DMXL2: variants seen among roughly 807,000 people sequenced by gnomAD.
DMXL2 encodes the protein Dmx like 2, also known as dmX-like protein 2.
DMXL2 carries 103 observed loss-of-function variants against 331.1 expected under a neutral mutation model. The ratio of observed to expected loss-of-function variants is 0.31; its 90% CI spans 0.27 to 0.37. The LOEUF (loss-of-function observed/expected upper bound fraction) is 0.37, where lower values mean the gene tolerates loss of function less well. Ranked by LOEUF, DMXL2 falls within the 10% of genes least tolerant of loss-of-function variation. The pLI, the probability that DMXL2 is intolerant of heterozygous loss-of-function variation, is 1.00. For missense variants in DMXL2, 3,171 were observed against 3,642.9 expected (o/e 0.87, Z 3.33); for synonymous variants, 1,281 against 1,252.1 (o/e 1.02, Z -0.49).
intron 13 of DMXL2, among the ~76,000 whole-genome samples, chr15:51,530,926 AAGAACTG>A (rs1243436320): frequency 3.3e-5 from 5 of 152,200 alleles, no homozygotes; most frequent in Admixed American, 3.3e-4. Context: ...CATGGATTGG[AAGAACTG>A]ATATTGTTAA....
chr15:51,515,707 G>T (rs2046997680), intron 14 of DMXL2, among the ~76,000 whole-genome samples: 1 of 152,144 alleles, frequency 6.6e-6, no homozygotes, highest in Non-Finnish European at 1.5e-5. Context: ...GGCACAAGGA[G>T]CAGGGGAAAA....
chr15:51,476,762 TA>T, intron 26 of DMXL2, 43 bp from the exon 27 acceptor site: 1 of 1,523,100 alleles, frequency 6.6e-7, no homozygotes, highest in Non-Finnish European at 8.8e-7. Flanking sequence ...TGAGAGGTAA[TA>T]AAAAATTGCA....
At position 51,538,314 on chromosome 15, in the gene DMXL2, G is replaced by A; in HGVS notation, c.1244C>T (p.Ser415Phe). 1 of 1,613,762 alleles carries A rather than the reference G, an allele frequency of 6.2e-7. No individual in the cohort carries two copies. ...ATTTTCATGATCTACCTGCTTATCA[G>A]AAAGTTTTCGTAATTGATGCATAAA... is the stretch of plus-strand genomic sequence containing the variant. ...EVFMHQLRKL[S>F]DKQVDHENDD... Residue 415 changes from serine to phenylalanine, a missense_variant, in exon 10 of 44, where the codon TCT (serine) becomes TTT (phenylalanine). Physicochemically the swap from Ser to Phe is radical, Grantham distance 155 (BLOSUM62 -2). Coordinates refer to ENST00000560891, the MANE Select transcript of DMXL2 (RefSeq NM_001378457.1).
intron 4 of DMXL2, 81 bp from the exon 5 acceptor site, chr15:51,564,341 T>C (rs924379548): frequency 1.8e-6 from 2 of 1,098,060 alleles, no homozygotes; most frequent in Non-Finnish European, 2.5e-6. Flanking sequence ...TTTAGATCTG[T>C]AAACTATTAA....
intron 9 of DMXL2, 31 bp from the exon 10 acceptor site, chr15:51,538,483 T>A (rs996380573): frequency 3.3e-6 from 5 of 1,510,754 alleles, no homozygotes; most frequent in South Asian, 1.3e-5. Flanking sequence ...TCAATATAAT[T>A]TTTTTTATTT....
In DMXL2 at chr15:51,450,116, T is replaced by C. The variant is rs1343165951; in HGVS notation, c.8967+13A>G. The C allele has an allele frequency of 4.3e-6, 7 of 1,612,186 alleles. No individual in the cohort carries two copies. Among genetic ancestry groups the C allele is most frequent in the East Asian group, 2.2e-5 (1 of 44,882 alleles). On this transcript the variant is annotated intron_variant, in intron 43 of 43. Transcript: ENST00000560891. ...CAGTCTTTAGCACATTCCAACCTCTTGTACTGACTCACCTTTATGTTACCT... is the reference window on the plus strand; with the variant it reads ...CAGTCTTTAGCACATTCCAACCTCTCGTACTGACTCACCTTTATGTTACCT...
rs558994440 is a variant in DMXL2 at position 51,591,194 on chromosome 15, G to A, written c.88-15013C>T. Among the ~76,000 whole-genome samples, 34 of 152,346 alleles carry A rather than the reference G, an allele frequency of 2.2e-4. No individual in the cohort carries two copies. The South Asian group carries it at 2.7e-3, about 12-fold the overall frequency. On this transcript the variant is annotated intron_variant, in intron 1 of 43. Coordinates refer to ENST00000560891, the MANE Select transcript of DMXL2 (RefSeq NM_001378457.1). Reference sequence around the variant, plus strand: ...ATTCCCTTTCCTAGTCAAAGAAAGCGGTGACAGACGGCACCTGGAAAATCG... The same window carrying A: ...ATTCCCTTTCCTAGTCAAAGAAAGCAGTGACAGACGGCACCTGGAAAATCG...
At chr15:51,547,852 T>A (rs1021750435) in intron 6 of DMXL2, among the ~76,000 whole-genome samples, 1 of 152,164 alleles carries the variant, frequency 6.6e-6, no homozygotes, top group Non-Finnish European at 1.5e-5. Flanking sequence ...TTGCTCTATA[T>A]CAAGAGTCAG....
At chr15:51,452,775 A>G (rs930003718) in intron 41 of DMXL2, among the ~76,000 whole-genome samples, 1 of 152,220 alleles carries the variant, frequency 6.6e-6, no homozygotes, top group African/African-American at 2.4e-5. Context: ...TCATTATATG[A>G]AAAAGACACT....
intron 23 of DMXL2, among the ~76,000 whole-genome samples, chr15:51,483,182 C>T (rs761969355): frequency 2.6e-5 from 4 of 152,170 alleles, no homozygotes; most frequent in African/African-American, 7.2e-5. Flanking sequence ...CAGAAGTTCA[C>T]GCAACGGCAC....
intron 13 of DMXL2, among the ~76,000 whole-genome samples, chr15:51,529,936 G>T (rs2047905665): frequency 6.6e-6 from 1 of 152,062 alleles, no homozygotes; most frequent in Non-Finnish European, 1.5e-5. Context: ...CACAAGGATG[G>T]TTCAACACAT....
intron 7 of DMXL2, among the ~76,000 whole-genome samples, chr15:51,546,761 C>T (rs1296052854): frequency 6.6e-6 from 1 of 152,078 alleles, no homozygotes; most frequent in Non-Finnish European, 1.5e-5. Context: ...AAAAACACAA[C>T]CTGGCCACTT....
Position 51,622,630 on chromosome 15 carries a change from C to A in DMXL2, c.-85G>T. ...TCCTCGGGCTGCGAGAGCCGTTTCC[C>A]TCTGTGCCTCCCTCGGAAACCCGCC... is the stretch of plus-strand genomic sequence containing the variant. On this transcript the variant is annotated 5_prime_UTR_variant, in exon 1 of 44. The change creates a new upstream start codon in the 5' untranslated region. Transcript: ENST00000560891. 6.8e-7 allele frequency: 1 copy of A among 1,468,202 alleles called. No individual in the cohort carries two copies. The highest frequency in any genetic ancestry group is 1.4e-5 in the South Asian group (1 of 73,860). The allele number at this position is 1,468,202 out of a possible 1,614,324, so 90.9% of individuals were successfully genotyped here. A position where few individuals can be genotyped will look rare whatever the true frequency, so the allele number is the denominator to read the frequency against.
chr15:51,477,128 A>C (rs1041863976), intron 26 of DMXL2, among the ~76,000 whole-genome samples: 1 of 152,076 alleles, frequency 6.6e-6, no homozygotes, highest in Non-Finnish European at 1.5e-5. Flanking sequence ...AAAGTTGTGC[A>C]AGTTTAACCC....
Position 51,528,237 on chromosome 15 carries a change from A to G in DMXL2, c.2436+7426T>C, listed in dbSNP as rs73399588. On this transcript the variant is annotated intron_variant, in intron 13 of 43. Transcript: ENST00000560891. ...GGCAGGAGTAAGTCCTTACTTACTA[A>G]TTACTTGGACTAAATGGACTAAATT... Among the ~76,000 whole-genome samples, 812 of 152,280 alleles carry G rather than the reference A, an allele frequency of 5.3e-3. 11 individuals carry two copies. The highest frequency in any genetic ancestry group is 0.018 in the African/African-American group (753 of 41,564).
At chr15:51,595,569 CT>C (rs34799163) in intron 1 of DMXL2, among the ~76,000 whole-genome samples, 1 of 152,206 alleles carries the variant, frequency 6.6e-6, no homozygotes, top group African/African-American at 2.4e-5. Flanking sequence ...GAAAAAACTA[CT>C]TTAAAGTTCA....
intron 1 of DMXL2, among the ~76,000 whole-genome samples, chr15:51,588,059 C>T (rs890459320): frequency 6.6e-6 from 1 of 151,448 alleles, no homozygotes. Flanking sequence ...ATTGTAGATT[C>T]TGGATATTAG....
chr15:51,448,814 A>G lies in DMXL2; in HGVS notation c.*170T>C. 1.5e-6 allele frequency: 1 copy of G among 647,374 alleles called. No homozygotes were observed. The highest frequency in any genetic ancestry group is 2.0e-5 in the South Asian group (1 of 50,998). 40.1% of individuals were successfully genotyped at this position (647,374 alleles called of 1,614,324 possible). ...TTAGTATGTCAGCATAATAAGGTAC[A>G]TGCGCATTCATTCCACCAACCTGTT... On this transcript the variant is annotated 3_prime_UTR_variant, in exon 44 of 44. Transcript: ENST00000560891.
At chr15:51,484,594 G>A (rs1178538200) in intron 23 of DMXL2, among the ~76,000 whole-genome samples, 1 of 152,114 alleles carries the variant, frequency 6.6e-6, no homozygotes, top group Non-Finnish European at 1.5e-5. Context: ...CATAAAATTA[G>A]AAGAGGCAAC....
Sources: allele counts gnomAD v4.1 joint callset (sites outside exome capture counted in the v4.1 genomes callset), GRCh38; gene constraint gnomAD v4.1.1; transcripts MANE v1.5; gene names NCBI Gene and HGNC (gene_info 2026-07-23, HGNC 2026-07-21).